Variants in NIBAN3 observed in about 807,000 individuals in gnomAD.
NIBAN3 encodes the protein niban apoptosis regulator 3, also known as protein Niban 3.
NIBAN3 carries 66 observed loss-of-function variants against 76.4 expected under a neutral mutation model. The observed-to-expected ratio is 0.86, with a 90% CI of 0.71 to 1.06. The LOEUF is 1.06. Ranked by LOEUF, NIBAN3 falls within the 50% of genes least tolerant of loss-of-function variation. NIBAN3 has a pLI of 0.00. For synonymous variants in NIBAN3, 360 were observed against 355.2 expected (o/e 1.01, Z -0.15); for missense variants, 808 against 810.7 (o/e 1.00, Z 0.04).
In NIBAN3 at chr19:17,542,348, G is replaced by C. The variant is rs2075970078; in HGVS notation, c.1329+54G>C. ...CCAGGCTGTGAAGACAGCCTCCACTGACCTCCTGCTAAGTGTGCCCTGGAG... is the reference window on the plus strand; with the variant it reads ...CCAGGCTGTGAAGACAGCCTCCACTCACCTCCTGCTAAGTGTGCCCTGGAG... On this transcript the variant is annotated intron_variant, in intron 10 of 14. Transcript: ENST00000599164. The surrounding 1 kb of genome is among the most constrained non-coding windows in gnomAD (Gnocchi z 4.8). 4.6e-6 allele frequency: 7 copies of C among 1,529,714 alleles called. No homozygotes were observed. The Admixed American group carries it at 8.1e-5, about 18-fold the overall frequency. 94.8% of individuals were successfully genotyped at this position (1,529,714 alleles called of 1,614,324 possible).
chr19:17,531,132 G>A (rs138696272), intron 2 of NIBAN3, among the ~76,000 whole-genome samples: 11 of 152,062 alleles, frequency 7.2e-5, no homozygotes, highest in Non-Finnish European at 1.5e-4. Context: ...TCGCCAACAT[G>A]GTGAAACCCC....
chr19:17,537,268 C>T (rs2075841089), intron 4 of NIBAN3, 108 bp from the exon 5 acceptor site: 6 of 1,115,524 alleles, frequency 5.4e-6, no homozygotes, highest in Admixed American at 4.0e-5. Flanking sequence ...TGGTATGACT[C>T]ATATTTATCG....
At chr19:17,539,556 C>A in intron 7 of NIBAN3, 47 bp from the exon 8 acceptor site, 1 of 1,481,852 alleles carries the variant, frequency 6.7e-7, no homozygotes, top group Non-Finnish European at 9.0e-7. Flanking sequence ...TGACCCCCAT[C>A]CCCGCCCCGT....
rs374484972 is a variant in NIBAN3 at position 17,542,199 on chromosome 19, G to A, written c.1234G>A (p.Glu412Lys). The change falls in exon 10 of 15, where the codon GAG (glutamate) becomes AAG (lysine). Residue 412 changes from glutamate to lysine, a missense_variant. Physicochemically the swap from Glu to Lys is moderately conservative, Grantham distance 56. Transcript: ENST00000599164. The surrounding 1 kb of genome is among the most constrained non-coding windows in gnomAD (Gnocchi z 4.8). ...GATGCAGACATGCTACCGTGAGGCC[G>A]AGCGGAGCCGGGGGCGCTTGGGGCA... ...ALMQTCYREA[E>K]RSRGRLGQLA... The A allele has an allele frequency of 3.9e-5, 63 of 1,614,040 alleles. No homozygotes were observed. The highest frequency in any genetic ancestry group is 5.0e-5 in the Non-Finnish European group (59 of 1,180,044).
Position 17,553,637 on chromosome 19 carries a change from T to A in NIBAN3, c.*1739T>A, listed in dbSNP as rs2144805022. On this transcript the variant is annotated 3_prime_UTR_variant, in exon 15 of 15. Transcript: ENST00000599164. ...ATACATTTGCTCAATACATTTGCAC[T>A]TCATAGGCTTCTTTAGCTGTCTTCC... The A allele has an allele frequency of 7.9e-7, 1 of 1,271,536 alleles. No homozygotes were observed. The highest frequency in any genetic ancestry group is 2.3e-5 in the East Asian group (1 of 42,902). The allele number at this position is 1,271,536 out of a possible 1,614,324, so 78.8% of individuals were successfully genotyped here. A position where few individuals can be genotyped will look rare whatever the true frequency, so the allele number is the denominator to read the frequency against.
intron 8 of NIBAN3, 77 bp downstream of exon 8, chr19:17,539,842 A>G: frequency 8.5e-7 from 1 of 1,173,464 alleles, no homozygotes; most frequent in Non-Finnish European, 1.2e-6. Context: ...CTAAGCGAAG[A>G]ATGGGCTTGA....
intron 13 of NIBAN3, among the ~76,000 whole-genome samples, chr19:17,548,443 G>C (rs1000479394): frequency 1.3e-5 from 2 of 152,168 alleles, no homozygotes; most frequent in Non-Finnish European, 2.9e-5. Context: ...GGCCCGAGCA[G>C]GGGCAGCAGC....
intron 4 of NIBAN3, among the ~76,000 whole-genome samples, chr19:17,536,458 G>A (rs1360175318): frequency 2.0e-5 from 3 of 152,174 alleles, no homozygotes; most frequent in Non-Finnish European, 4.4e-5. Flanking sequence ...CAAAGTGCTG[G>A]GATTACAGGC....
intron 1 of NIBAN3, among the ~76,000 whole-genome samples, chr19:17,528,769 C>A (rs542704173): frequency 1.5e-3 from 229 of 152,280 alleles, no homozygotes; most frequent in South Asian, 3.3e-3. Flanking sequence ...CCCAAGGTGA[C>A]CTCATGGCAC....
intron 12 of NIBAN3, among the ~76,000 whole-genome samples, chr19:17,544,863 T>C (rs1384308994): frequency 6.6e-6 from 1 of 152,146 alleles, no homozygotes; most frequent in Non-Finnish European, 1.5e-5. Flanking sequence ...TGTGCCTAAT[T>C]AATCCCATGA....
chr19:17,553,610 A>C lies in NIBAN3; in HGVS notation c.*1712A>C. ...TATTTCCCTCCAACCCCACCTTCCG[A>C]AATACATTTGCTCAATACATTTGCA... On this transcript the variant is annotated 3_prime_UTR_variant, in exon 15 of 15. Coordinates refer to ENST00000599164, the MANE Select transcript of NIBAN3 (RefSeq NM_001321827.2). 2.6e-6 allele frequency: 4 copies of C among 1,519,146 alleles called. No homozygotes were observed. The highest frequency in any genetic ancestry group is 3.7e-6 in the Non-Finnish European group (4 of 1,095,100). The allele number at this position is 1,519,146 out of a possible 1,614,324, so 94.1% of individuals were successfully genotyped here. A position where few individuals can be genotyped will look rare whatever the true frequency, so the allele number is the denominator to read the frequency against.
intron 13 of NIBAN3, among the ~76,000 whole-genome samples, chr19:17,547,436 C>G (rs1295524891): frequency 3.2e-5 from 4 of 125,876 alleles, no homozygotes; most frequent in Admixed American, 9.2e-5. Flanking sequence ...CTCACTGCAA[C>G]CTCTGCCTCC....
chr19:17,531,003 T>C (rs1267590113), intron 2 of NIBAN3, 118 bp downstream of exon 2: 3 of 1,180,164 alleles, frequency 2.5e-6, no homozygotes, highest in Non-Finnish European at 3.4e-6. Flanking sequence ...ACTTTAAATA[T>C]GCATTGTTTA....
chr19:17,548,393 A>G (rs562076587), intron 13 of NIBAN3, among the ~76,000 whole-genome samples: 1 of 152,244 alleles, frequency 6.6e-6, no homozygotes, highest in South Asian at 2.1e-4. Flanking sequence ...ACTGGAAGTG[A>G]GGGAGGAGGC....
In NIBAN3 at chr19:17,541,065, G is replaced by A. The variant is rs987655245; in HGVS notation, c.1170+483G>A. Reference sequence around the variant, plus strand: ...ACACAGTTTAAAACGTGAGGGGAAAGGAGTTGGATGAGAAAAGTGGCAATT... The same window carrying A: ...ACACAGTTTAAAACGTGAGGGGAAAAGAGTTGGATGAGAAAAGTGGCAATT... On this transcript the variant is annotated intron_variant, in intron 9 of 14. Coordinates refer to ENST00000599164, the MANE Select transcript of NIBAN3 (RefSeq NM_001321827.2). 7.2e-5 allele frequency among the ~76,000 whole-genome samples: 11 copies of A among 152,234 alleles called. No homozygotes were observed. The East Asian group carries it at 2.1e-3, about 29-fold the overall frequency.
At position 17,538,484 on chromosome 19, in the gene NIBAN3, G is replaced by A. The variant is rs139024993; in HGVS notation, c.596-666G>A. ...AGGGGAATAGGTCAGGCACAGTGGC[G>A]TGGTGGCATGAGCTTGTGGTCTCAG... On this transcript the variant is annotated intron_variant, in intron 5 of 14. Coordinates refer to ENST00000599164, the MANE Select transcript of NIBAN3 (RefSeq NM_001321827.2). Among the ~76,000 whole-genome samples, 732 of 151,634 alleles carry A rather than the reference G, an allele frequency of 4.8e-3. 7 individuals are homozygous for A. The highest frequency in any genetic ancestry group is 0.016 in the African/African-American group (679 of 41,356).
Position 17,539,717 on chromosome 19 carries a change from G to T in NIBAN3, c.931G>T (p.Val311Leu), listed in dbSNP as rs762563660. ...GCTGGAGAAGACGATCCGCCCGGACGTGGACCAGCTGCTGCGGCAGCGGGC... is the reference window on the plus strand; with the variant it reads ...GCTGGAGAAGACGATCCGCCCGGACTTGGACCAGCTGCTGCGGCAGCGGGC... Reference protein sequence around the residue: ...ASLEKTIRPDVDQLLRQRARV... With the variant: ...ASLEKTIRPDLDQLLRQRARV... Residue 311 changes from valine to leucine, a missense_variant, in exon 8 of 15, where the codon GTG becomes TTG. Physicochemically the swap from Val to Leu is conservative, Grantham distance 32. Coordinates refer to ENST00000599164, the MANE Select transcript of NIBAN3 (RefSeq NM_001321827.2). 1 of 1,547,326 alleles carries T rather than the reference G, an allele frequency of 6.5e-7. No homozygotes were observed. The highest frequency in any genetic ancestry group is 8.7e-7 in the Non-Finnish European group (1 of 1,147,430).
rs965880789 is a variant in NIBAN3 at position 17,542,684 on chromosome 19, C to T, written c.1329+390C>T. 9.9e-5 allele frequency among the ~76,000 whole-genome samples: 15 copies of T among 152,140 alleles called. No individual in the cohort carries two copies. The highest frequency in any genetic ancestry group is 3.3e-4 in the Admixed American group (5 of 15,260). On this transcript the variant is annotated intron_variant, in intron 10 of 14. Coordinates refer to ENST00000599164, the MANE Select transcript of NIBAN3 (RefSeq NM_001321827.2). This position sits in a 1 kb window ranked among gnomAD's most constrained non-coding sequence, Gnocchi z 4.8. ...AAGATAGGCCGGCGACATGGACGGGCAGATCGCGCAGTGCCTTGAGCGTGG... is the reference window on the plus strand; with the variant it reads ...AAGATAGGCCGGCGACATGGACGGGTAGATCGCGCAGTGCCTTGAGCGTGG...
chr19:17,542,246 T>C lies in NIBAN3; in HGVS notation c.1281T>C (p.Phe427=). 1.2e-6 allele frequency: 2 copies of C among 1,613,602 alleles called. No individual in the cohort carries two copies. The highest frequency in any genetic ancestry group is 1.7e-6 in the Non-Finnish European group (2 of 1,179,880). The change falls in exon 10 of 15, where the codon TTT becomes TTC. Residue 427 remains phenylalanine (F), a synonymous_variant. Transcript: ENST00000599164. This position sits in a 1 kb window ranked among gnomAD's most constrained non-coding sequence, Gnocchi z 4.8. Reference sequence around the variant, plus strand: ...GGCAGCTGGCAGCACCGTTTGGCTTTCTGGGGATGCAGAGCCTCGTGTTTG... The same window carrying C: ...GGCAGCTGGCAGCACCGTTTGGCTTCCTGGGGATGCAGAGCCTCGTGTTTG... The part of the protein sequence containing the change: ...RLGQLAAPFG[F]LGMQSLVFGA...
Sources: gnomAD v4.1 joint callset for allele counts (sites outside exome capture counted in the v4.1 genomes callset) on GRCh38, gnomAD v4.1.1 for gene constraint, Gnocchi (gnomAD v3.1) non-coding constraint, MANE v1.5 for transcripts, NCBI Gene and HGNC (gene_info 2026-07-23, HGNC 2026-07-21) for gene names.